LSAMP: variants seen among roughly 807,000 people sequenced by gnomAD.
The protein encoded by LSAMP is limbic system-associated membrane protein.
A neutral mutation model predicts 38.6 loss-of-function variants in LSAMP; 7 were observed. The observed-to-expected ratio is 0.18, with a 90% CI of 0.10 to 0.34. The LOEUF is 0.34. Among genes scored for constraint, LSAMP ranks in the 10% least tolerant of loss-of-function variants. The pLI is 1.00. For synonymous variants in LSAMP, 154 were observed against 166.8 expected (o/e 0.92, Z 0.59); for missense variants, 313 against 420.0 (o/e 0.75, Z 2.23).
chr3:116,264,083 G>T (rs959623498), intron 1 of LSAMP, among the ~76,000 whole-genome samples: 15 of 152,256 alleles, frequency 9.9e-5, no homozygotes, highest in African/African-American at 3.1e-4. Flanking sequence ...GCATATTTAA[G>T]GGTTAAGGGA....
intron 1 of LSAMP, among the ~76,000 whole-genome samples, chr3:116,112,407 C>G (rs1007217138): frequency 5.3e-5 from 8 of 152,136 alleles, no homozygotes; most frequent in Non-Finnish European, 1.5e-5. Flanking sequence ...TTTTCTAGAA[C>G]TCAAAGGAAG....
At chr3:116,225,630 T>C (rs1056446189) in intron 1 of LSAMP, among the ~76,000 whole-genome samples, 3 of 152,208 alleles carry the variant, frequency 2.0e-5, no homozygotes, top group African/African-American at 7.2e-5. Flanking sequence ...AAAATTTGAC[T>C]CCTTTGGGTT....
chr3:116,176,165 A>G (rs773020172), intron 1 of LSAMP, among the ~76,000 whole-genome samples: 10 of 152,152 alleles, frequency 6.6e-5, no homozygotes, highest in Non-Finnish European at 1.3e-4. Context: ...CAGAAATATA[A>G]CTGGCAATTT....
At chr3:116,037,071 G>C (rs1272675535) in intron 2 of LSAMP, among the ~76,000 whole-genome samples, 1 of 152,026 alleles carries the variant, frequency 6.6e-6, no homozygotes, top group African/African-American at 2.4e-5. Flanking sequence ...GCAAGGACTC[G>C]GGGACCTCTG....
intron 6 of LSAMP, among the ~76,000 whole-genome samples, chr3:115,835,844 A>G (rs1265035413): frequency 6.6e-6 from 1 of 152,226 alleles, no homozygotes; most frequent in Non-Finnish European, 1.5e-5. Context: ...ACAGCAGCCC[A>G]GTGAACAATT....
chr3:116,029,327 G>A (rs1576318631), intron 2 of LSAMP, among the ~76,000 whole-genome samples: 1 of 152,020 alleles, frequency 6.6e-6, no homozygotes, highest in Non-Finnish European at 1.5e-5. Flanking sequence ...CATTTTACTG[G>A]AACATGATTT....
intron 1 of LSAMP, among the ~76,000 whole-genome samples, chr3:116,405,131 A>T (rs1342235221): frequency 3.3e-5 from 5 of 152,124 alleles, no homozygotes; most frequent in Non-Finnish European, 5.9e-5. Flanking sequence ...GCTTGAAAAG[A>T]TTCAAAAGAA....
chr3:116,416,956 A>G (rs1385541015), intron 1 of LSAMP, among the ~76,000 whole-genome samples: 2 of 152,172 alleles, frequency 1.3e-5, no homozygotes, highest in Non-Finnish European at 2.9e-5. Context: ...GGGGTCCAAG[A>G]GAGGTGAAAG....
chr3:116,339,756 C>G (rs958429253), intron 1 of LSAMP, among the ~76,000 whole-genome samples: 5 of 152,012 alleles, frequency 3.3e-5, no homozygotes, highest in Non-Finnish European at 7.4e-5. Flanking sequence ...ATGAAGACGT[C>G]ACTGTAAGCA....
chr3:115,818,603 A>G (rs1934107435), intron 6 of LSAMP, among the ~76,000 whole-genome samples: 1 of 151,420 alleles, frequency 6.6e-6, no homozygotes, highest in African/African-American at 2.4e-5. Flanking sequence ...ACACATAATA[A>G]ATGCTCAATA....
At chr3:116,242,731 C>T (rs150864446) in intron 1 of LSAMP, among the ~76,000 whole-genome samples, 6 of 151,734 alleles carry the variant, frequency 4.0e-5, no homozygotes, top group African/African-American at 7.3e-5. Context: ...GCAGCCCAAA[C>T]GTGTTCAACC....
chr3:116,223,294 A>T (rs1349635492), intron 1 of LSAMP, among the ~76,000 whole-genome samples: 1 of 152,240 alleles, frequency 6.6e-6, no homozygotes, highest in East Asian at 1.9e-4. Flanking sequence ...CTAAGAAAAG[A>T]CAAAAGTAAT....
chr3:116,272,476 A>G (rs1472648541), intron 1 of LSAMP, among the ~76,000 whole-genome samples: 1 of 152,178 alleles, frequency 6.6e-6, no homozygotes, highest in Non-Finnish European at 1.5e-5. Flanking sequence ...GCAGTTTAAT[A>G]CAACTACTCA....
At chr3:115,969,608 A>G (rs536439943) in intron 3 of LSAMP, among the ~76,000 whole-genome samples, 1 of 152,216 alleles carries the variant, frequency 6.6e-6, no homozygotes. Flanking sequence ...CACCACTGCT[A>G]CTACCTTCAC....
At chr3:116,152,102 G>A (rs1329459042) in intron 1 of LSAMP, among the ~76,000 whole-genome samples, 1 of 152,024 alleles carries the variant, frequency 6.6e-6, no homozygotes, top group African/African-American at 2.4e-5. Context: ...TTCTGCTTCT[G>A]ATCAGGTCTG....
At chr3:116,155,212 C>G (rs530283651) in intron 1 of LSAMP, among the ~76,000 whole-genome samples, 1 of 151,718 alleles carries the variant, frequency 6.6e-6, no homozygotes. Flanking sequence ...GTATTGAGGT[C>G]TGTTTTTTTT....
At chr3:116,242,590 T>C (rs7651533) in intron 1 of LSAMP, among the ~76,000 whole-genome samples, 150,185 of 152,190 alleles carry the variant, frequency 0.99, 74,145 homozygotes, top group Middle Eastern at 1. Flanking sequence ...ACTTTATTTT[T>C]TCTCTGCCAC....
intron 4 of LSAMP, among the ~76,000 whole-genome samples, chr3:115,851,753 T>C (rs1377863018): frequency 6.6e-6 from 1 of 152,222 alleles, no homozygotes. Context: ...ATTTGAATGA[T>C]GCAGAGTCAG....
intron 1 of LSAMP, 127 bp from the exon 2 acceptor site, chr3:116,086,683 C>A: frequency 2.8e-6 from 2 of 721,280 alleles, no homozygotes; most frequent in South Asian, 1.8e-5. Flanking sequence ...TATTGCCATG[C>A]CATTCTTGGA....
Sources: gnomAD v4.1 joint callset for allele counts (sites outside exome capture counted in the v4.1 genomes callset) on GRCh38, gnomAD v4.1.1 for gene constraint, MANE v1.5 for transcripts, NCBI Gene and HGNC (gene_info 2026-07-23, HGNC 2026-07-21) for gene names.